The following DRC11 variants were observed in gnomAD, a reference collection of about 807,000 sequenced individuals.
DRC11 encodes IQ and AAA domain-containing protein 1.
the DRC11 span, among the ~76,000 whole-genome samples, chr2:236,319,458 G>A: frequency 6.6e-6 from 1 of 152,214 alleles, no homozygotes; most frequent in Non-Finnish European, 1.5e-5. This position sits in a 1 kb window ranked among gnomAD's most constrained non-coding sequence, Gnocchi z 6.7. Context: ...TGACTGAAGA[G>A]ACTACATTTC....
the DRC11 span, among the ~76,000 whole-genome samples, chr2:236,427,238 T>G: frequency 2.0e-5 from 3 of 152,212 alleles, no homozygotes; most frequent in Admixed American, 1.3e-4. The surrounding 1 kb of genome is among the most constrained non-coding windows in gnomAD (Gnocchi z 5.9). Flanking sequence ...CTTATAATTT[T>G]CTTTTCTCTC....
At chr2:236,403,936 C>T in the DRC11 span, among the ~76,000 whole-genome samples, 26 of 152,188 alleles carry the variant, frequency 1.7e-4, no homozygotes, top group African/African-American at 6.3e-4. Context: ...TTCCCAGGTC[C>T]AGGGCTTCCC....
the DRC11 span, among the ~76,000 whole-genome samples, chr2:236,393,983 A>C: frequency 1.3e-5 from 2 of 152,184 alleles, no homozygotes; most frequent in Non-Finnish European, 2.9e-5. The surrounding 1 kb of genome is among the most constrained non-coding windows in gnomAD (Gnocchi z 4.7). Context: ...AAATGGAATA[A>C]AATATATAAA....
the DRC11 span, among the ~76,000 whole-genome samples, chr2:236,307,436 T>C: frequency 6.6e-6 from 1 of 152,228 alleles, no homozygotes; most frequent in South Asian, 2.1e-4. This position sits in a 1 kb window ranked among gnomAD's most constrained non-coding sequence, Gnocchi z 7.0. Context: ...CAGGGCTGTT[T>C]GAGCCACTCC....
the DRC11 span, among the ~76,000 whole-genome samples, chr2:236,496,799 GA>G: frequency 6.6e-6 from 1 of 152,204 alleles, no homozygotes; most frequent in African/African-American, 2.4e-5. The surrounding 1 kb of genome is among the most constrained non-coding windows in gnomAD (Gnocchi z 6.3). Flanking sequence ...AGATTCCATG[GA>G]AACAGAGGAG....
At chr2:236,352,474 G>A in the DRC11 span, among the ~76,000 whole-genome samples, 2 of 152,128 alleles carry the variant, frequency 1.3e-5, no homozygotes, top group Non-Finnish European at 2.9e-5. The surrounding 1 kb of genome is among the most constrained non-coding windows in gnomAD (Gnocchi z 7.0). Flanking sequence ...GGGGGATAGG[G>A]TGGCTGCTGC....
the DRC11 span, among the ~76,000 whole-genome samples, chr2:236,309,792 G>A: frequency 7.8e-6 from 1 of 128,742 alleles, no homozygotes; most frequent in Non-Finnish European, 1.5e-5. The surrounding 1 kb of genome is among the most constrained non-coding windows in gnomAD (Gnocchi z 5.7). Context: ...ACTGGACCCC[G>A]GGCAGGTGCC....
chr2:236,311,697 C>CGTGCGTGTGTGTGT, the DRC11 span, among the ~76,000 whole-genome samples: 56 of 138,798 alleles, frequency 4.0e-4, no homozygotes, highest in African/African-American at 1.2e-3. The surrounding 1 kb of genome is among the most constrained non-coding windows in gnomAD (Gnocchi z 6.9). Context: ...GGATGGGGTG[C>CGTGCGTGTGTGTGT]GTGTGTGTGT....
chr2:236,400,765 C>T, the DRC11 span, among the ~76,000 whole-genome samples: 4 of 152,248 alleles, frequency 2.6e-5, no homozygotes, highest in African/African-American at 4.8e-5. The surrounding 1 kb of genome is among the most constrained non-coding windows in gnomAD (Gnocchi z 7.9). Flanking sequence ...GGTTGGGCTC[C>T]GGGATGCGGT....
At chr2:236,498,425 G>A in the DRC11 span, among the ~76,000 whole-genome samples, 25 of 151,270 alleles carry the variant, frequency 1.7e-4, no homozygotes, top group Admixed American at 2.6e-4. Context: ...AAATCATGCC[G>A]CTGCATTCTA....
At chr2:236,470,354 T>C in the DRC11 span, among the ~76,000 whole-genome samples, 1 of 152,284 alleles carries the variant, frequency 6.6e-6, no homozygotes, top group Non-Finnish European at 1.5e-5. This position sits in a 1 kb window ranked among gnomAD's most constrained non-coding sequence, Gnocchi z 5.1. Context: ...AGGGTAGACA[T>C]CTATTCCCAG....
At chr2:236,505,032 G>C in the DRC11 span, among the ~76,000 whole-genome samples, 23 of 152,168 alleles carry the variant, frequency 1.5e-4, no homozygotes, top group African/African-American at 4.6e-4. Context: ...AAGTGTTCCT[G>C]GAATTTTAAA....
At chr2:236,439,142 C>CA in the DRC11 span, among the ~76,000 whole-genome samples, 2 of 150,432 alleles carry the variant, frequency 1.3e-5, no homozygotes, top group Admixed American at 6.6e-5. Context: ...GACACCCTAA[C>CA]ATCACAATTA....
chr2:236,343,598 T>G, the DRC11 span: 2 of 651,234 alleles, frequency 3.1e-6, no homozygotes, highest in Non-Finnish European at 5.0e-6. This position sits in a 1 kb window ranked among gnomAD's most constrained non-coding sequence, Gnocchi z 6.6. Flanking sequence ...AGGTTTCTGA[T>G]AACTCCAGGT....
At chr2:236,357,509 T>TC in the DRC11 span, among the ~76,000 whole-genome samples, 3 of 127,192 alleles carry the variant, frequency 2.4e-5, no homozygotes. Context: ...ATTTACATAT[T>TC]ATAAATATAT....
chr2:236,466,541 G>T, the DRC11 span, among the ~76,000 whole-genome samples: 6 of 152,162 alleles, frequency 3.9e-5, no homozygotes, highest in Non-Finnish European at 8.8e-5. Flanking sequence ...GCCAGCATCT[G>T]CTTGGCTTCT....
chr2:236,360,201 C>A, the DRC11 span, among the ~76,000 whole-genome samples: 1 of 152,034 alleles, frequency 6.6e-6, no homozygotes, highest in African/African-American at 2.4e-5. The surrounding 1 kb of genome is among the most constrained non-coding windows in gnomAD (Gnocchi z 5.8). Context: ...AGTGAGCGGC[C>A]GTATAATGCA....
At chr2:236,378,560 A>G in the DRC11 span, among the ~76,000 whole-genome samples, 1 of 152,004 alleles carries the variant, frequency 6.6e-6, no homozygotes, top group African/African-American at 2.4e-5. Flanking sequence ...CTGTAATCCC[A>G]GCTACTCAGG....
chr2:236,419,345 AG>A, the DRC11 span: 1 of 1,485,444 alleles, frequency 6.7e-7, no homozygotes, highest in Admixed American at 2.7e-5. The surrounding 1 kb of genome is among the most constrained non-coding windows in gnomAD (Gnocchi z 4.8). Context: ...CCTGTCTGAA[AG>A]GAAGTTTTTG....
Sources: gnomAD v4.1 joint callset for allele counts (sites outside exome capture counted in the v4.1 genomes callset) on GRCh38, gnomAD v4.1.1 for gene constraint, Gnocchi (gnomAD v3.1) non-coding constraint, MANE v1.5 for transcripts, NCBI Gene and HGNC (gene_info 2026-07-23, HGNC 2026-07-21) for gene names.